SH3GL3: variants seen among roughly 807,000 people sequenced by gnomAD.
SH3GL3 encodes the protein endophilin-A3.
A neutral mutation model predicts 47.7 loss-of-function variants in SH3GL3; 33 were observed. The observed-to-expected ratio is 0.69, with a 90% CI of 0.52 to 0.92. The LOEUF is 0.92. Ranked by LOEUF, SH3GL3 falls within the 40% of genes least tolerant of loss-of-function variation. SH3GL3 has a pLI of 0.00. For missense variants in SH3GL3, 363 were observed against 417.8 expected (o/e 0.87, Z 1.14); for synonymous variants, 155 against 148.8 (o/e 1.04, Z -0.30).
chr15:83,540,557 T>A (rs2044107953), intron 1 of SH3GL3, among the ~76,000 whole-genome samples: 1 of 152,198 alleles, frequency 6.6e-6, no homozygotes, highest in Non-Finnish European at 1.5e-5. Context: ...TGTATAAAAG[T>A]CTATTTTGTA....
intron 1 of SH3GL3, among the ~76,000 whole-genome samples, chr15:83,469,586 A>G (rs2040737589): frequency 6.6e-6 from 1 of 152,120 alleles, no homozygotes; most frequent in African/African-American, 2.4e-5. Flanking sequence ...TCCATGTATC[A>G]TTTAGAAGTT....
At chr15:83,526,135 A>G (rs764678396) in intron 1 of SH3GL3, among the ~76,000 whole-genome samples, 1 of 152,174 alleles carries the variant, frequency 6.6e-6, no homozygotes, top group Non-Finnish European at 1.5e-5. Context: ...TAACAGTACT[A>G]ATTCTTCCTG....
chr15:83,507,462 C>G (rs898627809), intron 1 of SH3GL3, among the ~76,000 whole-genome samples: 5 of 151,702 alleles, frequency 3.3e-5, no homozygotes, highest in Non-Finnish European at 7.4e-5. Flanking sequence ...GTCGCCCAGG[C>G]TAGAGTGAAG....
chr15:83,474,568 G>A (rs900536254), intron 1 of SH3GL3, among the ~76,000 whole-genome samples: 7 of 151,654 alleles, frequency 4.6e-5, no homozygotes, highest in African/African-American at 1.5e-4. Flanking sequence ...TAGTTCATCT[G>A]CAGGTTGCCT....
intron 1 of SH3GL3, among the ~76,000 whole-genome samples, chr15:83,491,979 T>C (rs1291550177): frequency 2.0e-5 from 3 of 152,106 alleles, no homozygotes; most frequent in African/African-American, 7.2e-5. Flanking sequence ...CTGATCAATC[T>C]TCCAACTATT....
intron 1 of SH3GL3, among the ~76,000 whole-genome samples, chr15:83,480,538 T>C (rs1255310408): frequency 6.6e-6 from 1 of 152,192 alleles, no homozygotes; most frequent in East Asian, 1.9e-4. Context: ...CCCTCTGCTC[T>C]GTGTCTCTCA....
chr15:83,530,245 C>A (rs1441475202), intron 1 of SH3GL3, among the ~76,000 whole-genome samples: 1 of 152,140 alleles, frequency 6.6e-6, no homozygotes, highest in Non-Finnish European at 1.5e-5. Context: ...AAGGCCTTTG[C>A]ACAATCTCTA....
intron 1 of SH3GL3, among the ~76,000 whole-genome samples, chr15:83,546,151 GA>G (rs2044382843): frequency 6.6e-6 from 1 of 152,030 alleles, no homozygotes; most frequent in East Asian, 1.9e-4. Flanking sequence ...GGTGGATCTA[GA>G]AATGCAGTTC....
intron 1 of SH3GL3, among the ~76,000 whole-genome samples, chr15:83,541,160 C>CCATT (rs2044133010): frequency 6.6e-6 from 1 of 152,108 alleles, no homozygotes; most frequent in African/African-American, 2.4e-5. Context: ...TTTTCTCCAT[C>CCATT]CATTCATCTG....
intron 8 of SH3GL3, among the ~76,000 whole-genome samples, chr15:83,591,719 T>G (rs1445355137): frequency 6.6e-6 from 1 of 152,222 alleles, no homozygotes; most frequent in Admixed American, 6.5e-5. Flanking sequence ...AAAGTCTTGC[T>G]CTGTCACCCA....
chr15:83,506,692 T>G lies in SH3GL3; in HGVS notation c.46-52561T>G, dbSNP rs79233384. Among the ~76,000 whole-genome samples the G allele has an allele frequency of 9.2e-5, 14 of 152,348 alleles. 1 individual carries two copies. In the East Asian group the frequency reaches 2.1e-3, roughly 23 times the overall value. Reference sequence around the variant, plus strand: ...TCTTGCCATTTACTTTTGAATCTTTTTATGTCCCTCAGAAAAATTTTGTAG... The same window carrying G: ...TCTTGCCATTTACTTTTGAATCTTTGTATGTCCCTCAGAAAAATTTTGTAG... On this transcript the variant is annotated intron_variant, in intron 1 of 8. Transcript: ENST00000427482.
intron 8 of SH3GL3, among the ~76,000 whole-genome samples, chr15:83,593,391 T>C (rs1250034744): frequency 6.6e-6 from 1 of 152,248 alleles, no homozygotes. Context: ...TGTTTCACTA[T>C]TTTTAGAATA....
intron 3 of SH3GL3, chr15:83,565,465 C>T: frequency 2.7e-6 from 1 of 376,702 alleles, no homozygotes; most frequent in Non-Finnish European, 4.8e-6. Flanking sequence ...GAGCACTGAG[C>T]AAAGGTTTTA....
intron 4 of SH3GL3, among the ~76,000 whole-genome samples, chr15:83,570,515 A>T (rs547489339): frequency 8.5e-5 from 13 of 152,302 alleles, no homozygotes; most frequent in African/African-American, 2.6e-4. Flanking sequence ...CCTTTTATTT[A>T]AAAAAGTCAT....
At chr15:83,561,054 C>G (rs764809990) in intron 2 of SH3GL3, among the ~76,000 whole-genome samples, 1 of 152,056 alleles carries the variant, frequency 6.6e-6, no homozygotes. Flanking sequence ...TCACATACCT[C>G]TCTCATAAAA....
At chr15:83,476,697 C>A (rs1201969575) in intron 1 of SH3GL3, among the ~76,000 whole-genome samples, 1 of 152,214 alleles carries the variant, frequency 6.6e-6, no homozygotes, top group Non-Finnish European at 1.5e-5. Flanking sequence ...TGCTCATTTA[C>A]CTACTTGTTG....
intron 1 of SH3GL3, among the ~76,000 whole-genome samples, chr15:83,524,608 C>G (rs2043339025): frequency 6.6e-6 from 1 of 152,002 alleles, no homozygotes; most frequent in South Asian, 2.1e-4. Flanking sequence ...AACATTAAAA[C>G]TTATTCTATC....
At chr15:83,504,816 G>A (rs56277024) in intron 1 of SH3GL3, among the ~76,000 whole-genome samples, 25,077 of 152,200 alleles carry the variant, frequency 0.16, 2,261 homozygotes, top group Middle Eastern at 0.22. Flanking sequence ...AGCCATGTGA[G>A]CTGTTTTAAG....
chr15:83,489,567 C>T lies in SH3GL3; in HGVS notation c.45+41989C>T, dbSNP rs111802136. 5.3e-4 allele frequency among the ~76,000 whole-genome samples: 81 copies of T among 152,350 alleles called. 1 individual carries two copies. Among genetic ancestry groups the T allele is most frequent in the African/African-American group, 1.9e-3 (77 of 41,584 alleles). On this transcript the variant is annotated intron_variant, in intron 1 of 8. Transcript: ENST00000427482. Reference sequence around the variant, plus strand: ...TGCAAACGACATTATTCTCCTATAACTAAAAATGTAAAGATCCTTTCGTAT... The same window carrying T: ...TGCAAACGACATTATTCTCCTATAATTAAAAATGTAAAGATCCTTTCGTAT...
Sources: gnomAD v4.1 joint callset for allele counts (sites outside exome capture counted in the v4.1 genomes callset) on GRCh38, gnomAD v4.1.1 for gene constraint, MANE v1.5 for transcripts, NCBI Gene and HGNC (gene_info 2026-07-23, HGNC 2026-07-21) for gene names.